TMEM108: variants seen among roughly 807,000 people sequenced by gnomAD.
TMEM108 encodes cancer/testis antigen 124.
A neutral mutation model predicts 35.1 loss-of-function variants in TMEM108; 12 were observed. That is an observed-to-expected ratio of 0.34 (90% CI 0.22 to 0.55). TMEM108 has a LOEUF of 0.55. Among genes scored for constraint, TMEM108 ranks in the 20% least tolerant of loss-of-function variants. The pLI is 0.89. For missense variants in TMEM108, 680 were observed against 753.3 expected, an observed-to-expected ratio of 0.90 and a Z score of 1.14; for synonymous variants, 287 against 308.6, an observed-to-expected ratio of 0.93 and a Z score of 0.73.
intron 4 of TMEM108, chr3:133,386,889 C>T: frequency 1.6e-6 from 1 of 639,226 alleles, no homozygotes; most frequent in Non-Finnish European, 2.0e-6. Flanking sequence ...GCTTCTATGA[C>T]CTTCAGTTAC....
intron 2 of TMEM108, among the ~76,000 whole-genome samples, chr3:133,112,111 AAAAG>A (rs1944232814): frequency 6.6e-6 from 1 of 152,154 alleles, no homozygotes; most frequent in Non-Finnish European, 1.5e-5. Context: ...GGGGAAACAA[AAAAG>A]AAAGAAATTC....
intron 2 of TMEM108, among the ~76,000 whole-genome samples, chr3:133,125,405 G>A (rs1304663908): frequency 6.6e-6 from 1 of 152,148 alleles, no homozygotes; most frequent in African/African-American, 2.4e-5. Flanking sequence ...GGGTCTGAGT[G>A]GAAATAAGTG....
At chr3:133,309,967 T>C (rs112537913) in intron 3 of TMEM108, among the ~76,000 whole-genome samples, 35 of 152,212 alleles carry the variant, frequency 2.3e-4, no homozygotes, top group Non-Finnish European at 4.9e-4. Flanking sequence ...CCCAAAGTGC[T>C]GGGATTACAG....
At chr3:133,359,524 T>C (rs1239550594) in intron 3 of TMEM108, among the ~76,000 whole-genome samples, 1 of 151,984 alleles carries the variant, frequency 6.6e-6, no homozygotes, top group Non-Finnish European at 1.5e-5. Context: ...AGAGGGAAAA[T>C]GTAGCTAAGT....
At chr3:133,311,157 T>C (rs546664982) in intron 3 of TMEM108, among the ~76,000 whole-genome samples, 3 of 152,224 alleles carry the variant, frequency 2.0e-5, no homozygotes, top group South Asian at 4.1e-4. Flanking sequence ...ATTTTTTCCT[T>C]CATTTCCACC....
At chr3:133,044,474 A>T (rs980783878) in intron 1 of TMEM108, among the ~76,000 whole-genome samples, 3 of 152,244 alleles carry the variant, frequency 2.0e-5, no homozygotes, top group African/African-American at 7.2e-5. Context: ...TATATCTGCA[A>T]ATCATTTTAT....
chr3:133,362,645 G>T (rs2072386862), intron 3 of TMEM108, among the ~76,000 whole-genome samples: 1 of 152,120 alleles, frequency 6.6e-6, no homozygotes, highest in Admixed American at 6.5e-5. Context: ...TTCCTAATAG[G>T]AAAGGAGCTC....
chr3:133,043,539 A>C (rs1294062925), intron 1 of TMEM108, among the ~76,000 whole-genome samples: 1 of 152,068 alleles, frequency 6.6e-6, no homozygotes, highest in African/African-American at 2.4e-5. Flanking sequence ...CTCAATAAGT[A>C]CTCTTTCCTA....
chr3:133,392,140 C>CTTT (rs548497085), intron 5 of TMEM108, among the ~76,000 whole-genome samples: 21 of 140,754 alleles, frequency 1.5e-4, no homozygotes, highest in African/African-American at 4.7e-4. Context: ...CACTTCTCTT[C>CTTT]TTTTTTTTTT....
At chr3:133,310,721 C>T (rs976885506) in intron 3 of TMEM108, among the ~76,000 whole-genome samples, 2 of 151,832 alleles carry the variant, frequency 1.3e-5, no homozygotes, top group African/African-American at 4.8e-5. Context: ...AGTCCATTTA[C>T]ACTTAAGGTT....
At chr3:133,039,880 C>T (rs1285186625) in intron 1 of TMEM108, among the ~76,000 whole-genome samples, 1 of 152,138 alleles carries the variant, frequency 6.6e-6, no homozygotes, top group Non-Finnish European at 1.5e-5. Flanking sequence ...TGATTTCAAA[C>T]CTCTAAAACA....
rs142574587 is a variant in TMEM108 at position 133,170,237 on chromosome 3, T to C, written c.-46-59029T>C. Reference sequence around the variant, plus strand: ...TACATAACTGTTATAGAAAAACTAATATTCCCATAATATTCACATTGTCCA... The same window carrying C: ...TACATAACTGTTATAGAAAAACTAACATTCCCATAATATTCACATTGTCCA... On this transcript the variant is annotated intron_variant, in intron 2 of 5. Coordinates refer to ENST00000321871, the MANE Select transcript of TMEM108 (RefSeq NM_023943.4). Among the ~76,000 whole-genome samples, 717 of 152,294 alleles carry C rather than the reference T, an allele frequency of 4.7e-3. 8 individuals carry two copies. The highest frequency in any genetic ancestry group is 0.016 in the African/African-American group (682 of 41,560).
chr3:133,278,085 A>C (rs948346737), intron 3 of TMEM108, among the ~76,000 whole-genome samples: 1 of 152,236 alleles, frequency 6.6e-6, no homozygotes, highest in Non-Finnish European at 1.5e-5. Flanking sequence ...CACAGCTGCC[A>C]CACGGCATGA....
chr3:133,269,603 G>C (rs7615778), intron 3 of TMEM108, among the ~76,000 whole-genome samples: 3,160 of 152,298 alleles, frequency 0.021, 98 homozygotes, highest in African/African-American at 0.072. Context: ...CCTTCTGTCT[G>C]ACTCCCTCCT....
At chr3:133,128,378 GAAAT>G (rs1944444530) in intron 2 of TMEM108, among the ~76,000 whole-genome samples, 1 of 152,178 alleles carries the variant, frequency 6.6e-6, no homozygotes, top group African/African-American at 2.4e-5. Flanking sequence ...TGGAAATTAG[GAAAT>G]AAATATTTGA....
At chr3:133,106,414 T>G (rs567232560) in intron 2 of TMEM108, among the ~76,000 whole-genome samples, 54 of 152,138 alleles carry the variant, frequency 3.5e-4, no homozygotes, top group Non-Finnish European at 6.0e-4. Flanking sequence ...CTTCACCAAC[T>G]CTAAATCAAA....
At chr3:133,272,528 G>A (rs2107682975) in intron 3 of TMEM108, among the ~76,000 whole-genome samples, 1 of 151,958 alleles carries the variant, frequency 6.6e-6, no homozygotes, top group Admixed American at 6.5e-5. Flanking sequence ...GCTAACCACG[G>A]GCAGAGCCAA....
intron 3 of TMEM108, among the ~76,000 whole-genome samples, chr3:133,259,574 G>A (rs1319208783): frequency 6.6e-6 from 1 of 152,196 alleles, no homozygotes; most frequent in African/African-American, 2.4e-5. Context: ...ATTGAATTAA[G>A]ATTTTAATTC....
At chr3:133,369,641 G>A (rs2072599811) in intron 3 of TMEM108, among the ~76,000 whole-genome samples, 1 of 152,186 alleles carries the variant, frequency 6.6e-6, no homozygotes, top group African/African-American at 2.4e-5. Context: ...GACAGATAAA[G>A]CAAGTCTTAG....
Sources: gnomAD v4.1 joint callset for allele counts (sites outside exome capture counted in the v4.1 genomes callset) on GRCh38, gnomAD v4.1.1 for gene constraint, MANE v1.5 for transcripts, NCBI Gene and HGNC (gene_info 2026-07-23, HGNC 2026-07-21) for gene names.